DCC: variants seen among roughly 807,000 people sequenced by gnomAD.
The protein encoded by DCC is netrin receptor DCC.
DCC carries 58 observed loss-of-function variants against 172.5 expected under a neutral mutation model. The observed-to-expected ratio is 0.34, with a 90% CI of 0.27 to 0.42. DCC has a LOEUF of 0.42. Ranked by LOEUF, DCC falls within the 10% of genes least tolerant of loss-of-function variation. The pLI is 1.00. For missense variants in DCC, 1,740 were observed against 1,791.0 expected (o/e 0.97, Z 0.51); for synonymous variants, 709 against 644.5 (o/e 1.10, Z -1.52).
At chr18:52,842,408 T>C (rs1046241088) in intron 2 of DCC, among the ~76,000 whole-genome samples, 12 of 152,134 alleles carry the variant, frequency 7.9e-5, no homozygotes, top group Non-Finnish European at 1.8e-4. Context: ...AGGTAGGAGA[T>C]TGATGTACCA....
chr18:53,439,908 G>A (rs1912165417), intron 22 of DCC, among the ~76,000 whole-genome samples: 1 of 149,892 alleles, frequency 6.7e-6, no homozygotes, highest in South Asian at 2.1e-4. Flanking sequence ...GGGACTACAG[G>A]CGCCCGCCAC....
intron 7 of DCC, among the ~76,000 whole-genome samples, chr18:53,074,613 A>AT (rs974983551): frequency 7.3e-4 from 111 of 151,514 alleles, no homozygotes; most frequent in African/African-American, 2.2e-3. Context: ...ATAGTAATGT[A>AT]TTTTTTTTTA....
intron 1 of DCC, among the ~76,000 whole-genome samples, chr18:52,430,424 G>C (rs1335648586): frequency 6.6e-6 from 1 of 152,086 alleles, no homozygotes; most frequent in Non-Finnish European, 1.5e-5. Context: ...TGGATGTGAG[G>C]TGTAGGGATA....
intron 27 of DCC, among the ~76,000 whole-genome samples, chr18:53,512,832 T>G (rs1029870988): frequency 9.2e-4 from 139 of 151,850 alleles, no homozygotes; most frequent in African/African-American, 3.0e-3. Context: ...AATCTACGTC[T>G]GATTGGTGTA....
At chr18:52,877,635 G>T (rs2039423298) in intron 2 of DCC, among the ~76,000 whole-genome samples, 1 of 152,028 alleles carries the variant, frequency 6.6e-6, no homozygotes, top group South Asian at 2.1e-4. Context: ...TGAGCCAGGG[G>T]AGGTTGAGGC....
chr18:53,080,398 C>T (rs2042783222), intron 7 of DCC, among the ~76,000 whole-genome samples: 1 of 152,110 alleles, frequency 6.6e-6, no homozygotes, highest in Non-Finnish European at 1.5e-5. Flanking sequence ...AAGGGCCTGA[C>T]AATGACAGAC....
chr18:52,748,145 T>C (rs1206128795), intron 1 of DCC, among the ~76,000 whole-genome samples: 1 of 152,154 alleles, frequency 6.6e-6, no homozygotes, highest in Non-Finnish European at 1.5e-5. Context: ...CAGAGCCAGG[T>C]GCGCCAGCTG....
intron 5 of DCC, among the ~76,000 whole-genome samples, chr18:52,964,821 C>G (rs192538677): frequency 6.6e-6 from 1 of 152,118 alleles, no homozygotes; most frequent in Admixed American, 6.5e-5. Flanking sequence ...GAAATCAGCG[C>G]GTTGGCAAGG....
chr18:52,683,763 C>G (rs115234783), intron 1 of DCC, among the ~76,000 whole-genome samples: 4,582 of 152,070 alleles, frequency 0.03, 240 homozygotes, highest in African/African-American at 0.1. Flanking sequence ...TTTGCATAAC[C>G]CATAGTTTGG....
intron 12 of DCC, among the ~76,000 whole-genome samples, chr18:53,287,486 T>G (rs1337269822): frequency 6.6e-6 from 1 of 152,216 alleles, no homozygotes; most frequent in African/African-American, 2.4e-5. Flanking sequence ...TGTTTTCAGT[T>G]ACCTTAGGTA....
chr18:52,453,640 A>T (rs540630444), intron 1 of DCC, among the ~76,000 whole-genome samples: 1 of 152,194 alleles, frequency 6.6e-6, no homozygotes. Context: ...TCTACTTTCA[A>T]TCTGTGCCTT....
intron 8 of DCC, among the ~76,000 whole-genome samples, chr18:53,167,907 A>G (rs1469473608): frequency 2.6e-5 from 4 of 152,178 alleles, no homozygotes; most frequent in South Asian, 2.1e-4. Context: ...TTCATTTGAA[A>G]CAAGCTTTTG....
chr18:52,608,895 C>T (rs1221883), intron 1 of DCC, among the ~76,000 whole-genome samples: 123,505 of 152,072 alleles, frequency 0.81, 50,928 homozygotes, highest in Middle Eastern at 0.91. Flanking sequence ...CACATAATTT[C>T]CTTACATCAA....
chr18:53,016,162 T>C (rs955410246), intron 5 of DCC, among the ~76,000 whole-genome samples: 1 of 152,084 alleles, frequency 6.6e-6, no homozygotes, highest in African/African-American at 2.4e-5. Flanking sequence ...AAAGAAAATA[T>C]ATGGAAGTGG....
intron 1 of DCC, among the ~76,000 whole-genome samples, chr18:52,648,611 A>G (rs1343766445): frequency 6.6e-6 from 1 of 152,212 alleles, no homozygotes; most frequent in Non-Finnish European, 1.5e-5. Flanking sequence ...CTGTGCCAAA[A>G]TCTTTTCATC....
intron 4 of DCC, 139 bp from the exon 5 acceptor site, chr18:52,925,095 C>T: frequency 1.2e-6 from 1 of 838,402 alleles, no homozygotes; most frequent in Non-Finnish European, 2.0e-6. Flanking sequence ...ATAAGTGAGA[C>T]TTTAATCAAG....
At chr18:52,756,590 G>A (rs2037079444) in intron 2 of DCC, among the ~76,000 whole-genome samples, 2 of 152,264 alleles carry the variant, frequency 1.3e-5, no homozygotes, top group African/African-American at 4.8e-5. Context: ...TTAGAAAATT[G>A]ACTGTTTGGG....
At chr18:52,726,043 C>T (rs911833392) in intron 1 of DCC, among the ~76,000 whole-genome samples, 1 of 152,206 alleles carries the variant, frequency 6.6e-6, no homozygotes, top group East Asian at 1.9e-4. Context: ...AAACTAACTG[C>T]TCAAGGTCAC....
intron 7 of DCC, among the ~76,000 whole-genome samples, chr18:53,068,981 C>T (rs1217717809): frequency 6.6e-6 from 1 of 152,008 alleles, no homozygotes; most frequent in Non-Finnish European, 1.5e-5. Flanking sequence ...TGAACAGGAG[C>T]CATATCTGTG....
Sources: allele counts gnomAD v4.1 joint callset (sites outside exome capture counted in the v4.1 genomes callset), GRCh38; gene constraint gnomAD v4.1.1; transcripts MANE v1.5; gene names NCBI Gene and HGNC (gene_info 2026-07-23, HGNC 2026-07-21).